Variants in UBE2E2 observed in about 807,000 individuals in gnomAD.
The protein encoded by UBE2E2 is ubiquitin-conjugating enzyme E2 E2.
A neutral mutation model predicts 24.7 loss-of-function variants in UBE2E2; 6 were observed. That is an observed-to-expected ratio of 0.24 (90% CI 0.13 to 0.48). The LOEUF (loss-of-function observed/expected upper bound fraction) is 0.48. UBE2E2 is among the 20% of genes least tolerant of loss of function. UBE2E2 has a pLI of 0.99. For synonymous variants in UBE2E2, 104 were observed against 83.6 expected (o/e 1.24, Z -1.33); for missense variants, 169 against 245.0 (o/e 0.69, Z 2.07).
intron 3 of UBE2E2, among the ~76,000 whole-genome samples, chr3:23,232,768 A>T (rs1697007304): frequency 6.6e-6 from 1 of 152,244 alleles, no homozygotes; most frequent in Non-Finnish European, 1.5e-5. Context: ...TTTATAATCG[A>T]TTAAGAGACA....
intron 3 of UBE2E2, among the ~76,000 whole-genome samples, chr3:23,379,988 C>T (rs995425909): frequency 6.7e-6 from 1 of 148,500 alleles, no homozygotes; most frequent in African/African-American, 2.5e-5. Context: ...GATACTGTCA[C>T]TTTATCATAA....
intron 3 of UBE2E2, among the ~76,000 whole-genome samples, chr3:23,254,371 C>T (rs1403401968): frequency 6.6e-6 from 1 of 152,158 alleles, no homozygotes; most frequent in East Asian, 1.9e-4. Context: ...TAGGGAACAT[C>T]TGGTTGCCCA....
chr3:23,367,216 G>A (rs1004098261), intron 3 of UBE2E2, among the ~76,000 whole-genome samples: 2 of 152,128 alleles, frequency 1.3e-5, no homozygotes, highest in Non-Finnish European at 2.9e-5. Context: ...CAATCTTTAT[G>A]ATAGAATGGC....
At chr3:23,443,611 G>C (rs1698354330) in intron 3 of UBE2E2, among the ~76,000 whole-genome samples, 1 of 152,218 alleles carries the variant, frequency 6.6e-6, no homozygotes, top group African/African-American at 2.4e-5. Flanking sequence ...CGTCAACGCA[G>C]ATGCCATAGA....
intron 4 of UBE2E2, among the ~76,000 whole-genome samples, chr3:23,506,825 G>T (rs1694470302): frequency 6.6e-6 from 1 of 152,084 alleles, no homozygotes; most frequent in Non-Finnish European, 1.5e-5. Context: ...TAGAAATGGG[G>T]TTTCGCCATG....
At chr3:23,493,092 A>C (rs1699533516) in intron 3 of UBE2E2, among the ~76,000 whole-genome samples, 1 of 152,204 alleles carries the variant, frequency 6.6e-6, no homozygotes, top group Non-Finnish European at 1.5e-5. Flanking sequence ...AGTCAGACAC[A>C]TTCTTTCTGT....
intron 5 of UBE2E2, among the ~76,000 whole-genome samples, chr3:23,546,346 A>G (rs1695520747): frequency 6.6e-6 from 1 of 152,092 alleles, no homozygotes; most frequent in African/African-American, 2.4e-5. Flanking sequence ...TTTCACTTAA[A>G]CAAACATCAT....
intron 5 of UBE2E2, among the ~76,000 whole-genome samples, chr3:23,539,568 T>A (rs1559415512): frequency 6.6e-6 from 1 of 152,216 alleles, no homozygotes; most frequent in Non-Finnish European, 1.5e-5. Context: ...TACTTCTGTT[T>A]CCTTACTTCT....
chr3:23,389,161 C>CT (rs1289478410), intron 3 of UBE2E2, among the ~76,000 whole-genome samples: 1 of 152,188 alleles, frequency 6.6e-6, no homozygotes, highest in African/African-American at 2.4e-5. Context: ...CTACAATAAT[C>CT]TATGTTTTTT....
intron 3 of UBE2E2, among the ~76,000 whole-genome samples, chr3:23,259,585 A>G (rs1697840492): frequency 1.3e-5 from 2 of 151,530 alleles, no homozygotes; most frequent in Non-Finnish European, 2.9e-5. Flanking sequence ...AAAAAAAAAA[A>G]GTCTTGACTC....
intron 3 of UBE2E2, among the ~76,000 whole-genome samples, chr3:23,488,662 G>A (rs566400447): frequency 5.5e-4 from 83 of 152,268 alleles, no homozygotes; most frequent in African/African-American, 1.9e-3. Flanking sequence ...TTTGAGAAGC[G>A]ATTTGGCTTC....
At chr3:23,381,883 G>A (rs1696678705) in intron 3 of UBE2E2, among the ~76,000 whole-genome samples, 1 of 152,182 alleles carries the variant, frequency 6.6e-6, no homozygotes, top group African/African-American at 2.4e-5. Flanking sequence ...TTGCCCCGGA[G>A]AGTGGAGAAG....
intron 3 of UBE2E2, among the ~76,000 whole-genome samples, chr3:23,225,671 C>G (rs191132209): frequency 6.6e-6 from 1 of 152,284 alleles, no homozygotes; most frequent in Admixed American, 6.5e-5. Flanking sequence ...GTTCTTATGT[C>G]AGTAACATAC....
chr3:23,540,693 G>A (rs968498322), intron 5 of UBE2E2, among the ~76,000 whole-genome samples: 5 of 151,994 alleles, frequency 3.3e-5, no homozygotes, highest in South Asian at 2.1e-4. Flanking sequence ...ATGAGCCACC[G>A]TGCCTGGCAG....
At chr3:23,208,519 A>G (rs1250164116) in intron 1 of UBE2E2, among the ~76,000 whole-genome samples, 173 bp from the exon 2 acceptor site, 1 of 152,178 alleles carries the variant, frequency 6.6e-6, no homozygotes, top group Non-Finnish European at 1.5e-5. Context: ...TACATTTTGA[A>G]TGGATGAAGG....
intron 3 of UBE2E2, among the ~76,000 whole-genome samples, chr3:23,283,293 C>T (rs1368676631): frequency 3.3e-5 from 5 of 151,988 alleles, no homozygotes; most frequent in Admixed American, 3.3e-4. Context: ...CTCACTTGCT[C>T]TCAAAATTTA....
chr3:23,224,937 A>G lies in UBE2E2; in HGVS notation c.227+7625A>G, dbSNP rs141018250. Among the ~76,000 whole-genome samples the G allele has an allele frequency of 4.7e-5, 7 of 148,122 alleles. No homozygotes were observed. In the Admixed American group the frequency reaches 4.7e-4, roughly 10 times the overall value. The stretch of plus-strand genomic sequence containing the variant: ...TATGAGGGCCCAGTTTTTCTCCACA[A>G]CTTTGGCAGCACTTGATGTTGTCCT... On this transcript the variant is annotated intron_variant, in intron 3 of 5. Coordinates refer to ENST00000396703, the MANE Select transcript of UBE2E2 (RefSeq NM_152653.4).
chr3:23,316,940 T>C (rs1694597733), intron 3 of UBE2E2, among the ~76,000 whole-genome samples: 2 of 152,168 alleles, frequency 1.3e-5, no homozygotes, highest in Non-Finnish European at 2.9e-5. Flanking sequence ...GGACTCTCTC[T>C]GGTGCCCTAT....
At chr3:23,578,972 AC>A (rs978731041) in intron 5 of UBE2E2, among the ~76,000 whole-genome samples, 2 of 152,164 alleles carry the variant, frequency 1.3e-5, no homozygotes, top group African/African-American at 4.8e-5. Flanking sequence ...TTGATAATAC[AC>A]CTGGTCACCC....
Sources: gnomAD v4.1 joint callset for allele counts (sites outside exome capture counted in the v4.1 genomes callset) on GRCh38, gnomAD v4.1.1 for gene constraint, MANE v1.5 for transcripts, NCBI Gene and HGNC (gene_info 2026-07-23, HGNC 2026-07-21) for gene names.